CACNA2D3: variants seen among roughly 807,000 people sequenced by gnomAD.
The protein encoded by CACNA2D3 is calcium voltage-gated channel auxiliary subunit alpha2delta 3.
In CACNA2D3, 60 loss-of-function variants were observed where a neutral mutation model predicts 160.6. That is an observed-to-expected ratio of 0.37 (90% CI 0.30 to 0.46). The LOEUF (loss-of-function observed/expected upper bound fraction) is 0.46. Among genes scored for constraint, CACNA2D3 ranks in the 20% least tolerant of loss-of-function variants. CACNA2D3 has a pLI of 1.00. For synonymous variants in CACNA2D3, 558 were observed against 492.9 expected (o/e 1.13, Z -1.75); for missense variants, 1,205 against 1,365.0 (o/e 0.88, Z 1.85).
At chr3:54,909,888 G>A (rs1044619796) in intron 27 of CACNA2D3, among the ~76,000 whole-genome samples, 4 of 152,030 alleles carry the variant, frequency 2.6e-5, no homozygotes, top group African/African-American at 9.7e-5. Flanking sequence ...TGTGGCCCAC[G>A]GAAGCCAAAA....
At chr3:54,986,561 C>G (rs911439759) in intron 30 of CACNA2D3, among the ~76,000 whole-genome samples, 2 of 152,206 alleles carry the variant, frequency 1.3e-5, no homozygotes, top group African/African-American at 4.8e-5. Flanking sequence ...CCTTCTTCCT[C>G]CTTTTCTCCC....
intron 23 of CACNA2D3, 103 bp downstream of exon 23, chr3:54,885,689 C>A: frequency 1.3e-6 from 1 of 742,016 alleles, no homozygotes; most frequent in Non-Finnish European, 2.4e-6. Context: ...TTTGCTTTGG[C>A]AGAGATTATC....
At chr3:54,807,304 A>G (rs1703156738) in intron 13 of CACNA2D3, among the ~76,000 whole-genome samples, 1 of 152,222 alleles carries the variant, frequency 6.6e-6, no homozygotes, top group Non-Finnish European at 1.5e-5. Context: ...CAACCTTCTC[A>G]TCTAACAAAG....
chr3:54,808,526 C>T lies in CACNA2D3; in HGVS notation c.1381-8327C>T, dbSNP rs139152178. On this transcript the variant is annotated intron_variant, in intron 13 of 37. Transcript: ENST00000474759. ...CTCGATTAGACTAGATTAGGTCACA[C>T]GTCTACCCTGAGCCAGTTGCTGTGG... 2.0e-3 allele frequency among the ~76,000 whole-genome samples: 299 copies of T among 152,246 alleles called. 2 individuals are homozygous for T. The highest frequency in any genetic ancestry group is 2.6e-3 in the Non-Finnish European group (174 of 68,018).
At chr3:54,830,179 A>T (rs1006650363) in intron 14 of CACNA2D3, among the ~76,000 whole-genome samples, 2 of 151,972 alleles carry the variant, frequency 1.3e-5, no homozygotes, top group Non-Finnish European at 2.9e-5. Context: ...TCCTGACCTC[A>T]TGATCCACCT....
rs560881309 is a variant in CACNA2D3 at position 54,563,489 on chromosome 3, G to A, written c.676+558G>A. The stretch of plus-strand genomic sequence containing the variant: ...CCCTAGCACCCCCAGTACTCCCAGC[G>A]GTGCGTATCTCAGAGGCTGTCCATC... On this transcript the variant is annotated intron_variant, in intron 6 of 37. Transcript: ENST00000474759. 2.4e-4 allele frequency among the ~76,000 whole-genome samples: 37 copies of A among 152,286 alleles called. No individual in the cohort carries two copies. In the South Asian group the frequency reaches 2.9e-3, roughly 12 times the overall value.
At chr3:55,013,596 C>G (rs1703258676) in intron 34 of CACNA2D3, among the ~76,000 whole-genome samples, 1 of 152,130 alleles carries the variant, frequency 6.6e-6, no homozygotes, top group African/African-American at 2.4e-5. Context: ...GATAAAGACC[C>G]TGAGCTGAGA....
At chr3:54,735,055 T>A (rs1701469248) in intron 11 of CACNA2D3, among the ~76,000 whole-genome samples, 1 of 152,216 alleles carries the variant, frequency 6.6e-6, no homozygotes, top group Admixed American at 6.5e-5. Context: ...CAGCATTTCT[T>A]CTCTGTTCTT....
chr3:54,924,953 G>A (rs1700968525), intron 27 of CACNA2D3: 1 of 1,611,252 alleles, frequency 6.2e-7, no homozygotes, highest in Admixed American at 1.7e-5. Context: ...AAGCTCCAGG[G>A]GCCAGATTTG....
intron 13 of CACNA2D3, among the ~76,000 whole-genome samples, chr3:54,775,151 C>G (rs1702403844): frequency 6.6e-6 from 1 of 152,178 alleles, no homozygotes; most frequent in African/African-American, 2.4e-5. Flanking sequence ...AGACCTATGA[C>G]TTAATGGCCT....
intron 17 of CACNA2D3, among the ~76,000 whole-genome samples, chr3:54,870,101 C>T (rs1037141843): frequency 3.9e-5 from 6 of 152,148 alleles, no homozygotes; most frequent in Non-Finnish European, 7.3e-5. Flanking sequence ...CGCAGAGTTC[C>T]TGAAATGCAG....
intron 4 of CACNA2D3, among the ~76,000 whole-genome samples, chr3:54,464,472 G>A (rs1700574156): frequency 1.3e-5 from 2 of 152,350 alleles, no homozygotes; most frequent in South Asian, 2.1e-4. Context: ...GCAAGCCTGG[G>A]CAATGGCGAG....
chr3:54,982,144 C>T (rs552240889), intron 29 of CACNA2D3, among the ~76,000 whole-genome samples: 1 of 152,280 alleles, frequency 6.6e-6, no homozygotes, highest in East Asian at 1.9e-4. Context: ...TCCTGTCACC[C>T]ATAGCCCTTA....
At chr3:54,262,795 G>A (rs771254218) in intron 2 of CACNA2D3, among the ~76,000 whole-genome samples, 6 of 152,142 alleles carry the variant, frequency 3.9e-5, no homozygotes, top group African/African-American at 7.2e-5. Flanking sequence ...TCCAGCAACC[G>A]CATGGCGAGC....
chr3:54,565,944 C>G (rs1002288753), intron 6 of CACNA2D3, among the ~76,000 whole-genome samples: 2 of 152,158 alleles, frequency 1.3e-5, no homozygotes, highest in African/African-American at 2.4e-5. Flanking sequence ...TTGTTTTGTC[C>G]ATTACTCTGT....
At chr3:54,423,164 T>C (rs765012788) in intron 4 of CACNA2D3, among the ~76,000 whole-genome samples, 2 of 152,218 alleles carry the variant, frequency 1.3e-5, no homozygotes, top group Non-Finnish European at 2.9e-5. Context: ...GGAAAAAGTC[T>C]GTTGATGACA....
intron 3 of CACNA2D3, among the ~76,000 whole-genome samples, chr3:54,355,363 A>T (rs138108116): frequency 5.9e-5 from 9 of 152,252 alleles, no homozygotes; most frequent in African/African-American, 1.9e-4. Flanking sequence ...CTGTATAGAG[A>T]CTAGTCTGCA....
chr3:54,210,428 G>GTGTGTGTGTGTGTT (rs1194555170), intron 2 of CACNA2D3, among the ~76,000 whole-genome samples: 3 of 151,908 alleles, frequency 2.0e-5, no homozygotes, highest in African/African-American at 7.3e-5. Context: ...AAGTTTTTGT[G>GTGTGTGTGTGTGTT]TGTGTGTGTG....
chr3:54,663,440 C>T (rs767142646), intron 11 of CACNA2D3, among the ~76,000 whole-genome samples: 1 of 152,160 alleles, frequency 6.6e-6, no homozygotes, highest in Non-Finnish European at 1.5e-5. Context: ...GATGACTTGG[C>T]CTTCCAGGCA....
Sources: allele counts gnomAD v4.1 joint callset (sites outside exome capture counted in the v4.1 genomes callset), GRCh38; gene constraint gnomAD v4.1.1; transcripts MANE v1.5; gene names NCBI Gene and HGNC (gene_info 2026-07-23, HGNC 2026-07-21).